Variants in COL25A1 observed in about 807,000 individuals in gnomAD.
COL25A1 encodes the protein collagen alpha-1(XXV) chain.
In COL25A1, 103 loss-of-function variants were observed where a neutral mutation model predicts 128.4. That is an observed-to-expected ratio of 0.80 (90% CI 0.68 to 0.94). COL25A1 has a LOEUF of 0.94. Ranked by LOEUF, COL25A1 falls within the 40% of genes least tolerant of loss-of-function variation. The pLI, the probability that COL25A1 is intolerant of heterozygous loss-of-function variation, is 0.00. For synonymous variants in COL25A1, 279 were observed against 277.2 expected (o/e 1.01, Z -0.06); for missense variants, 745 against 840.0 (o/e 0.89, Z 1.40).
At chr4:109,277,889 A>C (rs1378200038) in intron 3 of COL25A1, among the ~76,000 whole-genome samples, 1 of 152,188 alleles carries the variant, frequency 6.6e-6, no homozygotes, top group African/African-American at 2.4e-5. Context: ...TAATCCCAGC[A>C]CTTTGGGAGG....
At chr4:108,859,792 T>G in intron 23 of COL25A1, 59 bp from the exon 24 acceptor site, 1 of 1,290,280 alleles carries the variant, frequency 7.8e-7, no homozygotes, top group Admixed American at 1.8e-5. Context: ...TAGGGTGGAC[T>G]GTGGCAGAAA....
Position 108,944,008 on chromosome 4 carries a change from C to T in COL25A1, c.493-2571G>A, listed in dbSNP as rs79234257. Among the ~76,000 whole-genome samples, 474 of 152,202 alleles carry T rather than the reference C, an allele frequency of 3.1e-3. 3 individuals carry two copies. The highest frequency in any genetic ancestry group is 0.011 in the African/African-American group (461 of 41,528). Reference sequence around the variant, plus strand: ...TATTAGTTTCATGAATATTTCACCCCCACATTCCTCATATTAGAGATATGT... The same window carrying T: ...TATTAGTTTCATGAATATTTCACCCTCACATTCCTCATATTAGAGATATGT... On this transcript the variant is annotated intron_variant, in intron 8 of 37. Transcript: ENST00000399132.
In COL25A1 at chr4:108,815,821, A is replaced by C. The variant is rs77136883; in HGVS notation, c.1962+1576T>G. ...ACCCCTTTTAAAAAGGCAGCGATTC[A>C]GATTATAAACCCCTTTAAAAAGGCA... On this transcript the variant is annotated intron_variant, in intron 37 of 37. Coordinates refer to ENST00000399132, the MANE Select transcript of COL25A1 (RefSeq NM_198721.4). Among the ~76,000 whole-genome samples, 1,498 of 152,290 alleles carry C rather than the reference A, an allele frequency of 9.8e-3. 24 individuals carry two copies. Among genetic ancestry groups the C allele is most frequent in the African/African-American group, 0.034 (1,413 of 41,560 alleles).
chr4:109,276,711 T>A (rs1722886618), intron 3 of COL25A1, among the ~76,000 whole-genome samples: 1 of 152,174 alleles, frequency 6.6e-6, no homozygotes, highest in Non-Finnish European at 1.5e-5. Context: ...GGAATTGCTC[T>A]GTACTGCAAT....
chr4:109,218,365 T>TTTTTTTGTTTTTTTTTG, intron 3 of COL25A1, among the ~76,000 whole-genome samples: 1 of 128,632 alleles, frequency 7.8e-6, no homozygotes, highest in South Asian at 2.4e-4. Flanking sequence ...GGGTTTTTTT[T>TTTTTTTGTTTTTTTTTG]TTTTTTTTTT....
intron 13 of COL25A1, among the ~76,000 whole-genome samples, chr4:108,917,840 G>A (rs1444671366): frequency 6.6e-6 from 1 of 152,104 alleles, no homozygotes; most frequent in East Asian, 1.9e-4. Flanking sequence ...AAACTAAAGT[G>A]CATTTTGTTT....
At chr4:108,974,601 A>T (rs555745780) in intron 6 of COL25A1, 42 bp from the exon 7 acceptor site, 2 of 1,511,058 alleles carry the variant, frequency 1.3e-6, no homozygotes, top group South Asian at 2.4e-5. Context: ...TTAAAAAAAG[A>T]TATTGTAAAC....
At chr4:109,153,813 A>G (rs1771761454) in intron 3 of COL25A1, among the ~76,000 whole-genome samples, 1 of 152,174 alleles carries the variant, frequency 6.6e-6, no homozygotes, top group Non-Finnish European at 1.5e-5. Context: ...ATTGTGTACC[A>G]AACACCACAT....
At chr4:108,867,998 G>T (rs189907752) in intron 20 of COL25A1, among the ~76,000 whole-genome samples, 1 of 152,090 alleles carries the variant, frequency 6.6e-6, no homozygotes, top group Non-Finnish European at 1.5e-5. Context: ...TTTTGCAGAC[G>T]TTATTCAGAG....
chr4:109,236,962 T>C (rs951074421), intron 3 of COL25A1, among the ~76,000 whole-genome samples: 1 of 152,064 alleles, frequency 6.6e-6, no homozygotes, highest in Non-Finnish European at 1.5e-5. Flanking sequence ...AGTTTCACAT[T>C]ATGTAGAATG....
intron 3 of COL25A1, among the ~76,000 whole-genome samples, chr4:109,131,371 C>T (rs868192367): frequency 6.6e-6 from 1 of 151,890 alleles, no homozygotes; most frequent in Non-Finnish European, 1.5e-5. Flanking sequence ...CAGTATTGCC[C>T]TCTATACTGA....
intron 5 of COL25A1, among the ~76,000 whole-genome samples, chr4:109,042,752 T>G (rs868269124): frequency 1.6e-4 from 25 of 152,054 alleles, no homozygotes; most frequent in African/African-American, 7.2e-5. Flanking sequence ...CAAGAAAATT[T>G]TATACCTAGT....
At chr4:109,056,877 T>C (rs1199622587) in intron 3 of COL25A1, among the ~76,000 whole-genome samples, 1 of 152,202 alleles carries the variant, frequency 6.6e-6, no homozygotes, top group Non-Finnish European at 1.5e-5. Flanking sequence ...CCGAGGCTGA[T>C]GACAGTGTAA....
chr4:109,015,812 C>T (rs1757155236), intron 5 of COL25A1, among the ~76,000 whole-genome samples: 1 of 152,204 alleles, frequency 6.6e-6, no homozygotes, highest in Non-Finnish European at 1.5e-5. Flanking sequence ...AATGAGATGA[C>T]CTATCACAGG....
At chr4:109,223,371 T>C (rs145813049) in intron 3 of COL25A1, among the ~76,000 whole-genome samples, 79 of 152,236 alleles carry the variant, frequency 5.2e-4, no homozygotes, top group African/African-American at 1.7e-3. Flanking sequence ...CATGAAAACA[T>C]TGGAAATTAT....
chr4:108,890,848 C>A (rs1054972233), intron 16 of COL25A1, among the ~76,000 whole-genome samples: 3 of 152,122 alleles, frequency 2.0e-5, no homozygotes, highest in Non-Finnish European at 4.4e-5. Context: ...TGCCCAGCTC[C>A]CTCAATTTCT....
chr4:109,024,709 G>A (rs1014000181), intron 5 of COL25A1, among the ~76,000 whole-genome samples: 2 of 152,112 alleles, frequency 1.3e-5, no homozygotes, highest in Admixed American at 1.3e-4. Context: ...CCTTAATTAA[G>A]TTGTTAATTT....
intron 5 of COL25A1, among the ~76,000 whole-genome samples, chr4:109,010,971 C>G (rs1756528213): frequency 6.6e-6 from 1 of 152,166 alleles, no homozygotes; most frequent in South Asian, 2.1e-4. Flanking sequence ...ATCATGCATC[C>G]TAACTCTTCA....
At chr4:109,289,476 C>G (rs1296487794) in intron 3 of COL25A1, among the ~76,000 whole-genome samples, 1 of 151,974 alleles carries the variant, frequency 6.6e-6, no homozygotes, top group East Asian at 1.9e-4. Context: ...AAATAATCAG[C>G]TACTTTTTGA....
Sources: gnomAD v4.1 joint callset for allele counts (sites outside exome capture counted in the v4.1 genomes callset) on GRCh38, gnomAD v4.1.1 for gene constraint, MANE v1.5 for transcripts, NCBI Gene and HGNC (gene_info 2026-07-23, HGNC 2026-07-21) for gene names.